Variants in MLH3 observed in about 807,000 individuals in gnomAD.
MLH3 encodes the protein mutL homolog 3, also known as DNA mismatch repair protein Mlh3.
MLH3 carries 82 observed loss-of-function variants against 122.2 expected under a neutral mutation model. The ratio of observed to expected loss-of-function variants is 0.67; its 90% CI spans 0.56 to 0.81. The LOEUF is 0.81. Ranked by LOEUF, MLH3 falls within the 30% of genes least tolerant of loss-of-function variation. The probability of loss-of-function intolerance (pLI) is 0.00; values close to 1 mark genes in which losing one functional copy is unlikely to be tolerated. For synonymous variants in MLH3, 524 were observed against 599.5 expected, an observed-to-expected ratio of 0.87 and a Z score of 1.84; for missense variants, 1,539 against 1,714.5, an observed-to-expected ratio of 0.90 and a Z score of 1.81.
rs1892376426 is a variant in MLH3, at chr14:75,047,965, G to A, written c.1691C>T (p.Pro564Leu). The A allele has an allele frequency of 2.5e-6, 4 of 1,613,960 alleles. No homozygotes were observed. Among genetic ancestry groups the A allele is most frequent in the Non-Finnish European group, 3.4e-6 (4 of 1,180,008 alleles). Residue 564 changes from proline (P) to leucine (L), a missense_variant, in exon 2 of 13, where the codon CCT becomes CTT. By Grantham distance (98) the Pro-to-Leu change is moderately conservative. Transcript: ENST00000355774. ...FKDATEVGCQ[P>L]LPFATTLWGV... Reference sequence around the variant, plus strand: ...CCATAATGTTGTTGCAAAAGGCAGAGGCTGGCATCCCACTTCAGTAGCATC... The same window carrying A: ...CCATAATGTTGTTGCAAAAGGCAGAAGCTGGCATCCCACTTCAGTAGCATC...
At chr14:75,031,292 T>TA (rs1891031441) in intron 8 of MLH3, among the ~76,000 whole-genome samples, 1 of 152,182 alleles carries the variant, frequency 6.6e-6, no homozygotes. Flanking sequence ...GCCCCTTCCT[T>TA]ACATCCCAAT....
intron 12 of MLH3, 98 bp downstream of exon 12, chr14:75,018,731 T>C: frequency 2.1e-6 from 3 of 1,407,924 alleles, no homozygotes; most frequent in Non-Finnish European, 3.0e-6. Flanking sequence ...TCTCCTATTT[T>C]GGAAAGGTTA....
chr14:75,030,659 A>G lies in MLH3; in HGVS notation c.3871T>C (p.Phe1291Leu), dbSNP rs1432917948. ...NLEDLGLEFVFPDTSDSLVLV... is the reference protein window; with the variant it reads ...NLEDLGLEFVLPDTSDSLVLV... Reference sequence around the variant, plus strand: ...ACCAGAGAATCACTAGTGTCTGGAAATACAAATTCAAGGCCCAGATCTTCC... The same window carrying G: ...ACCAGAGAATCACTAGTGTCTGGAAGTACAAATTCAAGGCCCAGATCTTCC... Residue 1291 changes from phenylalanine (F) to leucine (L), a missense_variant, in exon 9 of 13, where the codon TTT becomes CTT. By Grantham distance (22) the Phe-to-Leu change is conservative. Transcript: ENST00000355774. The G allele has an allele frequency of 6.2e-6, 10 of 1,613,940 alleles. No homozygotes were observed. The highest frequency in any genetic ancestry group is 2.7e-5 in the African/African-American group (2 of 74,930).
intron 9 of MLH3, among the ~76,000 whole-genome samples, chr14:75,024,071 G>A (rs919116958): frequency 6.6e-6 from 1 of 152,130 alleles, no homozygotes; most frequent in Non-Finnish European, 1.5e-5. Flanking sequence ...CATCTGGGAT[G>A]GTAAAACATC....
intron 9 of MLH3, among the ~76,000 whole-genome samples, chr14:75,025,335 C>T (rs1313873616): frequency 6.6e-6 from 1 of 152,174 alleles, no homozygotes; most frequent in East Asian, 1.9e-4. Flanking sequence ...GAAATGATTC[C>T]ACAAGACAAC....
intron 9 of MLH3, among the ~76,000 whole-genome samples, chr14:75,029,463 T>C (rs997012402): frequency 2.0e-5 from 3 of 152,134 alleles, no homozygotes; most frequent in African/African-American, 7.2e-5. Context: ...GTATCTCAAG[T>C]CTCTGATATG....
At chr14:75,030,884 A>T (rs1421983398) in intron 8 of MLH3, among the ~76,000 whole-genome samples, 182 bp from the exon 9 acceptor site, 3 of 152,200 alleles carry the variant, frequency 2.0e-5, no homozygotes, top group Non-Finnish European at 4.4e-5. Context: ...TTCCTTTTTG[A>T]ATTACAGTAA....
At position 75,014,730 on chromosome 14, in the gene MLH3, T is replaced by A. The variant is rs1889808484; in HGVS notation, c.*2352A>T. 1 of 198,144 alleles carries A rather than the reference T, an allele frequency of 5.0e-6. No homozygotes were observed. Among genetic ancestry groups the A allele is most frequent in the Admixed American group, 6.1e-5 (1 of 16,500 alleles). The allele number at this position is 198,144 out of a possible 1,614,324, so 12.3% of individuals were successfully genotyped here. Reference sequence around the variant, plus strand: ...CATCTCTCAAGTTTTACTCTGAAGTTACTAAAGCCTTCAGCGACCAGAATC... The same window carrying A: ...CATCTCTCAAGTTTTACTCTGAAGTAACTAAAGCCTTCAGCGACCAGAATC... On this transcript the variant is annotated 3_prime_UTR_variant, in exon 13 of 13. Coordinates refer to ENST00000355774, the MANE Select transcript of MLH3 (RefSeq NM_001040108.2).
In MLH3 at chr14:75,046,858, C is replaced by CCCAA; in HGVS notation, c.2797_2798insTTGG (p.Gly933ValfsTer14). ...GGCAGAATCTGATGTTGGGATGACA[C>CCCAA]CATTCTCTGTTTTTTCATGCTTGTT... On this transcript the variant is annotated frameshift_variant, in exon 2 of 13. Coordinates refer to ENST00000355774, the MANE Select transcript of MLH3 (RefSeq NM_001040108.2). LOFTEE classifies it high-confidence loss of function. The CCCAA allele has an allele frequency of 6.2e-7, 1 of 1,613,992 alleles. No homozygotes were observed. Among genetic ancestry groups the CCCAA allele is most frequent in the East Asian group, 2.2e-5 (1 of 44,872 alleles).
In MLH3 at chr14:75,029,146, AAAAG is replaced by A. The variant is rs550738248; in HGVS notation, c.3987+1393_3987+1396del. On this transcript the variant is annotated intron_variant, in intron 9 of 12. Transcript: ENST00000355774. ...GCCTGGGCATCGCAAAAAAAAAAAA[AAAAG>A]AAAGAAAGAAAGAAAGAAAGAAAAA... 7.6e-3 allele frequency among the ~76,000 whole-genome samples: 1,057 copies of A among 139,410 alleles called. 362 individuals carry two copies. The highest frequency in any genetic ancestry group is 0.011 in the Middle Eastern group (3 of 272). The allele number at this position is 139,410 out of a possible 152,430, so 91.5% of individuals were successfully genotyped here. A position where few individuals can be genotyped will look rare whatever the true frequency, so the allele number is the denominator to read the frequency against.
In MLH3 at chr14:75,032,183, T is replaced by C. The variant is rs777308221; in HGVS notation, c.3716-4A>G. On this transcript the variant is annotated splice_region_variant and splice_polypyrimidine_tract_variant and intron_variant, in intron 7 of 12. Coordinates refer to ENST00000355774, the MANE Select transcript of MLH3 (RefSeq NM_001040108.2). The stretch of plus-strand genomic sequence containing the variant: ...GCCTGTTGCTTCTCGTAGGAATCTA[T>C]TGGCAGAAAGATGAATGGGTTAAGA... 86 of 1,582,268 alleles carry C rather than the reference T, an allele frequency of 5.4e-5. No individual in the cohort carries two copies. Among genetic ancestry groups the C allele is most frequent in the East Asian group, 4.0e-4 (18 of 44,752 alleles).
rs1892474385 is a variant in MLH3, at chr14:75,049,036, A to G, written c.620T>C (p.Val207Ala). 6.2e-7 allele frequency: 1 copy of G among 1,614,128 alleles called. No homozygotes were observed. The highest frequency in any genetic ancestry group is 8.5e-7 in the Non-Finnish European group (1 of 1,180,026). ...ATAAATTTGACAAAATCGGGAACAT[A>G]CGTCTTTGGTTTTAGGGAGCTGAAG... ...MVLQLPKTKD[V>A]CSRFCQIYGL... The change falls in exon 2 of 13, where the codon GTA becomes GCA. Residue 207 changes from valine to alanine, a missense_variant. Coordinates refer to ENST00000355774, the MANE Select transcript of MLH3 (RefSeq NM_001040108.2).
chr14:75,019,609 T>C (rs541363371), intron 11 of MLH3, among the ~76,000 whole-genome samples: 157 of 152,236 alleles, frequency 1.0e-3, no homozygotes, highest in African/African-American at 3.5e-3. Flanking sequence ...AAGAGCAGTA[T>C]TTTTGCCTAC....
At position 75,047,779 on chromosome 14, in the gene MLH3, G is replaced by A. The variant is rs370383198; in HGVS notation, c.1877C>T (p.Ser626Leu). 2 of 1,613,940 alleles carry A rather than the reference G, an allele frequency of 1.2e-6. No individual in the cohort carries two copies. Among genetic ancestry groups the A allele is most frequent in the Non-Finnish European group, 1.7e-6 (2 of 1,179,862 alleles). ...ACCAGGTCTAACATAATTTTTAAAT[G>A]AATGTTCTGTTTCAGTTGATTTAGT... is the stretch of plus-strand genomic sequence containing the variant. Reference protein sequence around the residue: ...EKTKSTETEHSFKNYVRPGPT... With the variant: ...EKTKSTETEHLFKNYVRPGPT... Residue 626 changes from serine to leucine, a missense_variant, in exon 2 of 13, where the codon TCA (serine) becomes TTA (leucine). Physicochemically the swap from Ser to Leu is moderately radical, Grantham distance 145. Coordinates refer to ENST00000355774, the MANE Select transcript of MLH3 (RefSeq NM_001040108.2).
chr14:75,023,392 G>C (rs552036747), intron 9 of MLH3, among the ~76,000 whole-genome samples: 1 of 152,126 alleles, frequency 6.6e-6, no homozygotes, highest in Non-Finnish European at 1.5e-5. Context: ...CAGAACAAGC[G>C]TAATATTACA....
intron 6 of MLH3, among the ~76,000 whole-genome samples, chr14:75,036,169 A>C (rs1188671185): frequency 6.6e-6 from 1 of 151,986 alleles, no homozygotes; most frequent in African/African-American, 2.4e-5. Context: ...CCGAGCTCTT[A>C]AGTGCTAGAA....
chr14:75,047,438 T>C lies in MLH3; in HGVS notation c.2218A>G (p.Ile740Val), dbSNP rs1892322400. 19 of 1,613,992 alleles carry C rather than the reference T, an allele frequency of 1.2e-5. No homozygotes were observed. The highest frequency in any genetic ancestry group is 1.7e-5 in the Admixed American group (1 of 60,004). Residue 740 changes from isoleucine (I) to valine (V), a missense_variant, in exon 2 of 13, where the codon ATC becomes GTC. Transcript: ENST00000355774. Reference protein sequence around the residue: ...TDKLIGFSKPIVRKKLSLSSQ... With the variant: ...TDKLIGFSKPVVRKKLSLSSQ... Reference sequence around the variant, plus strand: ...CTCAAGCTTAGCTTCTTACGGACGATTGGTTTGGAGAAACCAATTAATTTA... The same window carrying C: ...CTCAAGCTTAGCTTCTTACGGACGACTGGTTTGGAGAAACCAATTAATTTA...
In MLH3 at chr14:75,049,289, G is replaced by A. The variant is rs775193452; in HGVS notation, c.367C>T (p.Leu123=). The A allele has an allele frequency of 1.2e-5, 19 of 1,614,078 alleles. No homozygotes were observed. The highest frequency in any genetic ancestry group is 1.5e-5 in the Non-Finnish European group (18 of 1,180,046). Reference sequence around the variant, plus strand: ...TTCAGGGCTTTTCCACTCTGAAACAGTTTCACAAAAGTTTTCATTGTCCTG... The same window carrying A: ...TTCAGGGCTTTTCCACTCTGAAACAATTTCACAAAAGTTTTCATTGTCCTG... ...KNRTMKTFVK[L]FQSGKALKAC... is the part of the protein sequence containing the mutation. The change falls in exon 2 of 13, where the codon CTG becomes TTG. Residue 123 remains leucine, a synonymous_variant. Transcript: ENST00000355774.
chr14:75,035,670 T>C (rs1163918315), intron 6 of MLH3, among the ~76,000 whole-genome samples: 2 of 152,184 alleles, frequency 1.3e-5, no homozygotes, highest in Non-Finnish European at 2.9e-5. Context: ...CTAAACAAGG[T>C]AAAGGGAATA....
Sources: allele counts gnomAD v4.1 joint callset (sites outside exome capture counted in the v4.1 genomes callset), GRCh38; gene constraint gnomAD v4.1.1; transcripts MANE v1.5; gene names NCBI Gene and HGNC (gene_info 2026-07-23, HGNC 2026-07-21).